ARHGAP32: variants seen among roughly 807,000 people sequenced by gnomAD.
ARHGAP32 encodes Rho GTPase activating protein 32.
Under a neutral mutation model 186.5 loss-of-function variants are expected in ARHGAP32, and 51 were observed. The ratio of observed to expected loss-of-function variants is 0.27; its 90% confidence interval spans 0.22 to 0.35. The LOEUF (loss-of-function observed/expected upper bound fraction) is 0.35. Ranked by LOEUF, ARHGAP32 falls within the 10% of genes least tolerant of loss-of-function variation. ARHGAP32 has a pLI of 1.00. For missense variants in ARHGAP32, 2,186 were observed against 2,623.5 expected, an observed-to-expected ratio of 0.83 and a Z score of 3.64; for synonymous variants, 950 against 964.3, an observed-to-expected ratio of 0.99 and a Z score of 0.27.
chr11:129,241,515 G>A (rs112128417), intron 1 of ARHGAP32, among the ~76,000 whole-genome samples: 2,203 of 151,940 alleles, frequency 0.014, 19 homozygotes, highest in South Asian at 0.031. Flanking sequence ...GTGTGTTGGC[G>A]CACATCTGTA....
chr11:129,024,114 G>A, intron 11 of ARHGAP32: 1 of 985,492 alleles, frequency 1.0e-6, no homozygotes, highest in African/African-American at 1.7e-5. Flanking sequence ...TCCAGTCAGT[G>A]GAGCCCAGCA....
chr11:129,191,791 G>A (rs1219471225), intron 1 of ARHGAP32, among the ~76,000 whole-genome samples: 2 of 152,010 alleles, frequency 1.3e-5, no homozygotes, highest in African/African-American at 4.8e-5. Context: ...AGGGGTAGTA[G>A]TTCATTATGA....
Position 128,974,430 on chromosome 11 carries a change from C to G in ARHGAP32, c.2767G>C (p.Glu923Gln). 6.2e-7 allele frequency: 1 copy of G among 1,614,150 alleles called. No individual in the cohort carries two copies. ...GGTGGTAGGGTCACTGAAATTGGCTCAGATATGCTCATAGAAGGTGATTTG... is the reference window on the plus strand; with the variant it reads ...GGTGGTAGGGTCACTGAAATTGGCTGAGATATGCTCATAGAAGGTGATTTG... ...LSKSPSMSIS[E>Q]PISVTLPPRV... Residue 923 changes from glutamate to glutamine, a missense_variant, in exon 21 of 23, where the codon GAG (glutamate) becomes CAG (glutamine). By Grantham distance (29) the Glu-to-Gln change is conservative. Transcript: ENST00000682385.
chr11:129,170,888 T>C (rs1356659835), intron 1 of ARHGAP32, among the ~76,000 whole-genome samples: 4 of 152,236 alleles, frequency 2.6e-5, no homozygotes, highest in African/African-American at 7.2e-5. Context: ...GGTGTCTCAC[T>C]GTGGTTTTGA....
intron 1 of ARHGAP32, among the ~76,000 whole-genome samples, chr11:129,216,328 A>G (rs1163021731): frequency 3.3e-5 from 5 of 152,084 alleles, no homozygotes; most frequent in Admixed American, 1.3e-4. Flanking sequence ...ATATTTTGAT[A>G]TTCTTTTTCT....
rs71057936 is a variant in ARHGAP32 at position 129,238,756 on chromosome 11, A to AACACAC, written c.-5+40384_-5+40389dup. On this transcript the variant is annotated intron_variant, in intron 1 of 6. Coordinates refer to the ARHGAP32 transcript ENST00000525234. ...TTGCATAATCATAGAACTTATTTTA[A>AACACAC]ACACACACACACACACACACACACA... Among the ~76,000 whole-genome samples the AACACAC allele has an allele frequency of 1.9e-3, 286 of 148,382 alleles. 1 individual carries two copies. Among genetic ancestry groups the AACACAC allele is most frequent in the South Asian group, 8.0e-3 (37 of 4,632 alleles).
In ARHGAP32 at chr11:129,041,135, T is replaced by C. The variant is rs1205329811; in HGVS notation, c.964-126A>G. ...AAATGATTCTATTATTCCAAGACTC[T>C]AAATAACAGATGATGCCAATTACAC... On this transcript the variant is annotated intron_variant, in intron 10 of 22. Coordinates refer to ENST00000682385, the MANE Select transcript of ARHGAP32 (RefSeq NM_001378024.1). The C allele has an allele frequency of 5.5e-6, 3 of 546,732 alleles. No individual in the cohort carries two copies. The African/African-American group carries it at 5.7e-5, about 10-fold the overall frequency. 33.9% of individuals were successfully genotyped at this position (546,732 alleles called of 1,614,324 possible). A position where few individuals can be genotyped will look rare whatever the true frequency, so the allele number is the denominator to read the frequency against.
intron 5 of ARHGAP32, among the ~76,000 whole-genome samples, chr11:129,116,928 T>C (rs1942383651): frequency 6.6e-6 from 1 of 152,048 alleles, no homozygotes; most frequent in African/African-American, 2.4e-5. Context: ...ATTCCCATAA[T>C]ACTTTATGAT....
chr11:129,259,410 G>C (rs1201923136), intron 1 of ARHGAP32, among the ~76,000 whole-genome samples: 2 of 151,798 alleles, frequency 1.3e-5, no homozygotes, highest in Non-Finnish European at 2.9e-5. Flanking sequence ...CTAGTTTTTT[G>C]TTAAGCACTT....
At chr11:129,040,612 T>C (rs1213975833) in intron 11 of ARHGAP32, among the ~76,000 whole-genome samples, 1 of 152,212 alleles carries the variant, frequency 6.6e-6, no homozygotes, top group Non-Finnish European at 1.5e-5. Flanking sequence ...ACAATTTCTA[T>C]GTTAGTTCTT....
intron 2 of ARHGAP32, among the ~76,000 whole-genome samples, chr11:129,143,380 G>GA (rs560994169): frequency 4.6e-5 from 7 of 152,018 alleles, no homozygotes; most frequent in Non-Finnish European, 1.0e-4. Flanking sequence ...GAAAATTCCT[G>GA]AAAAAAACAA....
At chr11:129,062,200 G>T in intron 10 of ARHGAP32, 80 bp downstream of exon 10, 1 of 1,175,532 alleles carries the variant, frequency 8.5e-7, no homozygotes, top group Non-Finnish European at 1.3e-6. Flanking sequence ...TCCATTACCA[G>T]CACATGTAAA....
Position 129,066,790 on chromosome 11 carries a change from G to A in ARHGAP32, c.610C>T (p.Arg204Ter). 1 of 1,612,146 alleles carries A rather than the reference G, an allele frequency of 6.2e-7. No individual in the cohort carries two copies. The highest frequency in any genetic ancestry group is 8.5e-7 in the Non-Finnish European group (1 of 1,178,870). Residue 204 changes from arginine to a stop codon, truncating the protein, a stop_gained, in exon 7 of 23, where the codon CGA becomes TGA. Coordinates refer to ENST00000682385, the MANE Select transcript of ARHGAP32 (RefSeq NM_001378024.1). LOFTEE classifies it high-confidence loss of function. ...DKHLHLCIYD[R>*]RFSQLSELPR... ...AGTTCTGAGAGCTGGGAAAATCTTC[G>A]GTCATAAATACACAGATGAAGATGT...
chr11:129,162,871 A>T (rs1465063730), intron 2 of ARHGAP32, among the ~76,000 whole-genome samples: 1 of 152,162 alleles, frequency 6.6e-6, no homozygotes, highest in East Asian at 1.9e-4. Flanking sequence ...CAAATTATCA[A>T]ATATTAAAAC....
At chr11:128,996,295 ATTACT>A (rs61147560) in intron 12 of ARHGAP32, among the ~76,000 whole-genome samples, 50,578 of 151,676 alleles carry the variant, frequency 0.33, 8,550 homozygotes, top group Non-Finnish European at 0.37. Flanking sequence ...AGTAATTAAA[ATTACT>A]TTAATTTTCT....
chr11:129,206,059 C>T (rs1245022599), intron 1 of ARHGAP32, among the ~76,000 whole-genome samples: 1 of 152,068 alleles, frequency 6.6e-6, no homozygotes, highest in Non-Finnish European at 1.5e-5. Flanking sequence ...TCCTAGATAT[C>T]ATATCATTTC....
intron 1 of ARHGAP32, among the ~76,000 whole-genome samples, chr11:129,186,650 C>T (rs932458182): frequency 4.6e-5 from 7 of 151,966 alleles, no homozygotes; most frequent in African/African-American, 1.7e-4. Context: ...ATATAAGGAG[C>T]CCAAACAACT....
chr11:129,169,264 T>TA (rs1315174162), intron 1 of ARHGAP32, among the ~76,000 whole-genome samples: 4 of 151,634 alleles, frequency 2.6e-5, no homozygotes, highest in Admixed American at 6.6e-5. Context: ...GTCTGACCAA[T>TA]AAAAAAATGG....
intron 1 of ARHGAP32, among the ~76,000 whole-genome samples, chr11:129,238,760 C>CAT (rs1030449987): frequency 6.9e-6 from 1 of 145,844 alleles, no homozygotes; most frequent in Non-Finnish European, 1.5e-5. Context: ...ATTTTAAACA[C>CAT]ACACACACAC....
Sources: gnomAD v4.1 joint callset for allele counts (sites outside exome capture counted in the v4.1 genomes callset) on GRCh38, gnomAD v4.1.1 for gene constraint, MANE v1.5 for transcripts, NCBI Gene and HGNC (gene_info 2026-07-23, HGNC 2026-07-21) for gene names.